Variants in CTXND1 observed in about 807,000 individuals in gnomAD.
CTXND1 encodes the protein cortexin domain-containing 1 protein.
Position 80,242,444 on chromosome 15 carries a change from C to T in CTXND1, c.-218+9563G>A, listed in dbSNP as rs368668921. 3.0e-3 allele frequency among the ~76,000 whole-genome samples: 460 copies of T among 152,336 alleles called. 31 individuals carry two copies. In the South Asian group the frequency reaches 0.091, roughly 30 times the overall value. On this transcript the variant is annotated intron_variant, in intron 1 of 2. Coordinates refer to ENST00000560778, the MANE Select transcript of CTXND1 (RefSeq NM_001352888.2). ...TCTGGCGCCTCCTCAACCAGAATGG[C>T]TCTGAATTATCTGTTTTCTAGATTG...
At chr15:80,209,965 T>G (rs1567128881) in intron 1 of CTXND1, among the ~76,000 whole-genome samples, 1 of 152,270 alleles carries the variant, frequency 6.6e-6, no homozygotes, top group Non-Finnish European at 1.5e-5. Context: ...ATTTGTACTT[T>G]TAAAGCATAC....
At chr15:80,229,930 T>C (rs1893410622) in intron 1 of CTXND1, among the ~76,000 whole-genome samples, 1 of 152,198 alleles carries the variant, frequency 6.6e-6, no homozygotes, top group Non-Finnish European at 1.5e-5. Context: ...CACCTCAGGC[T>C]GGAAGGCCCT....
chr15:80,248,624 G>A (rs998862469), intron 1 of CTXND1, among the ~76,000 whole-genome samples: 1 of 152,212 alleles, frequency 6.6e-6, no homozygotes, highest in African/African-American at 2.4e-5. Context: ...GGCAAGAGAG[G>A]GAGGTGCGAC....
chr15:80,222,058 A>G (rs1390388437), intron 1 of CTXND1, among the ~76,000 whole-genome samples: 2 of 152,160 alleles, frequency 1.3e-5, no homozygotes, highest in Non-Finnish European at 2.9e-5. Context: ...TAAAAACGTA[A>G]TATTCTGTTT....
At chr15:80,230,330 T>G (rs1595908252) in intron 1 of CTXND1, among the ~76,000 whole-genome samples, 1 of 152,170 alleles carries the variant, frequency 6.6e-6, no homozygotes, top group Non-Finnish European at 1.5e-5. Context: ...TACTTAAATA[T>G]TCACAATCTC....
At chr15:80,238,163 G>T (rs938383684) in intron 1 of CTXND1, among the ~76,000 whole-genome samples, 3 of 152,112 alleles carry the variant, frequency 2.0e-5, no homozygotes, top group Non-Finnish European at 2.9e-5. Flanking sequence ...CTAGTACACG[G>T]TAATGTCCTA....
chr15:80,246,122 C>T (rs975655655), intron 1 of CTXND1, among the ~76,000 whole-genome samples: 1 of 148,144 alleles, frequency 6.8e-6, no homozygotes, highest in Admixed American at 6.6e-5. Context: ...ACATTTTCCT[C>T]CCAAAAAGTA....
At chr15:80,208,236 C>G (rs1893170595) in intron 1 of CTXND1, among the ~76,000 whole-genome samples, 1 of 152,206 alleles carries the variant, frequency 6.6e-6, no homozygotes, top group Non-Finnish European at 1.5e-5. Context: ...AATACTCTTA[C>G]TTCACTGGAA....
chr15:80,227,636 A>G lies in CTXND1; in HGVS notation c.-217-23896T>C, dbSNP rs141127407. Among the ~76,000 whole-genome samples the G allele has an allele frequency of 3.3e-4, 50 of 152,340 alleles. No individual in the cohort carries two copies. In the East Asian group the frequency reaches 3.5e-3, roughly 11 times the overall value. On this transcript the variant is annotated intron_variant, in intron 1 of 2. Coordinates refer to ENST00000560778, the MANE Select transcript of CTXND1 (RefSeq NM_001352888.2). ...TGCATATAAAAGTTATATGTACACT[A>G]TATTGTACATTAAACATGTAATAGC...
chr15:80,217,119 A>G (rs1386273880), intron 1 of CTXND1, among the ~76,000 whole-genome samples: 3 of 152,170 alleles, frequency 2.0e-5, no homozygotes, highest in Admixed American at 1.3e-4. Flanking sequence ...GTGCCAGGAC[A>G]CAAGGGAAAA....
chr15:80,229,109 G>A (rs1595908015), intron 1 of CTXND1, among the ~76,000 whole-genome samples: 1 of 152,140 alleles, frequency 6.6e-6, no homozygotes, highest in African/African-American at 2.4e-5. Flanking sequence ...TTGAAAGCCT[G>A]TAAGGTGTAT....
chr15:80,211,934 G>A (rs1210388756), intron 1 of CTXND1, among the ~76,000 whole-genome samples: 1 of 152,126 alleles, frequency 6.6e-6, no homozygotes, highest in Non-Finnish European at 1.5e-5. Flanking sequence ...CTTATAGCAG[G>A]TCACACTTAC....
chr15:80,240,284 G>GA (rs1893550815), intron 1 of CTXND1, among the ~76,000 whole-genome samples: 1 of 152,092 alleles, frequency 6.6e-6, no homozygotes, highest in South Asian at 2.1e-4. Context: ...TTATTAAGGG[G>GA]GGTCCCAAAA....
chr15:80,224,583 C>A (rs1016650072), intron 1 of CTXND1, among the ~76,000 whole-genome samples: 1 of 152,158 alleles, frequency 6.6e-6, no homozygotes, highest in Non-Finnish European at 1.5e-5. Flanking sequence ...TCAATTTCCA[C>A]AAAACATAAG....
chr15:80,227,377 G>A (rs1181698266), intron 1 of CTXND1, among the ~76,000 whole-genome samples: 1 of 152,096 alleles, frequency 6.6e-6, no homozygotes, highest in Non-Finnish European at 1.5e-5. Flanking sequence ...TTTCTCACTA[G>A]GGGTGATTTC....
At chr15:80,224,109 G>C (rs1196157987) in intron 1 of CTXND1, among the ~76,000 whole-genome samples, 4 of 152,170 alleles carry the variant, frequency 2.6e-5, no homozygotes, top group Non-Finnish European at 5.9e-5. Flanking sequence ...TAAGTGGAGA[G>C]ACTAAAGAGG....
intron 1 of CTXND1, among the ~76,000 whole-genome samples, chr15:80,244,581 AGTGGTGCAGG>A (rs920343151): frequency 1.3e-5 from 2 of 152,196 alleles, no homozygotes; most frequent in African/African-American, 4.8e-5. Flanking sequence ...CTCACACCAG[AGTGGTGCAGG>A]GTGAACCCGT....
chr15:80,221,491 G>T (rs12913384), intron 1 of CTXND1, among the ~76,000 whole-genome samples: 11,412 of 152,232 alleles, frequency 0.075, 543 homozygotes, highest in Middle Eastern at 0.11. Context: ...GCTGAGATGG[G>T]AGGATCACTA....
Position 80,198,702 on chromosome 15 carries a change from T to C in CTXND1, c.*3068A>G, listed in dbSNP as rs1381344038. Reference sequence around the variant, plus strand: ...TTAAATGGAGAGAGTGTACTGTAAGTATTTATTCTCCCCTGTCTTAAGCAA... The same window carrying C: ...TTAAATGGAGAGAGTGTACTGTAAGCATTTATTCTCCCCTGTCTTAAGCAA... On this transcript the variant is annotated 3_prime_UTR_variant, in exon 3 of 3. Transcript: ENST00000560778. 2 of 152,220 alleles carry C rather than the reference T, an allele frequency of 1.3e-5. No homozygotes were observed. Among genetic ancestry groups the C allele is most frequent in the Admixed American group, 6.5e-5 (1 of 15,284 alleles). 9.4% of individuals were successfully genotyped at this position (152,220 alleles called of 1,614,324 possible).
Sources: allele counts gnomAD v4.1 joint callset (sites outside exome capture counted in the v4.1 genomes callset), GRCh38; gene constraint gnomAD v4.1.1; transcripts MANE v1.5; gene names NCBI Gene and HGNC (gene_info 2026-07-23, HGNC 2026-07-21).